The following DRC9 variants were observed in gnomAD, a reference collection of about 807,000 sequenced individuals.
DRC9 encodes dynein regulatory complex subunit 9.
the DRC9 span, chr3:197,913,017 G>A: frequency 2.4e-6 from 1 of 411,872 alleles, no homozygotes; most frequent in Non-Finnish European, 4.4e-6. Flanking sequence ...GCGCTCCAAG[G>A]GCACAAGGCT....
At chr3:197,889,663 T>C in the DRC9 span, 12 of 1,614,114 alleles carry the variant, frequency 7.4e-6, no homozygotes, top group African/African-American at 1.3e-5. Context: ...TTAGGCATCT[T>C]GAAACCACCA....
At chr3:197,893,357 CAAAAAAA>C in the DRC9 span, among the ~76,000 whole-genome samples, 27 of 43,248 alleles carry the variant, frequency 6.2e-4, no homozygotes, top group East Asian at 3.7e-3. Flanking sequence ...AACTCCGTCT[CAAAAAAA>C]AAAAAAAAAA....
At chr3:197,897,904 G>A in the DRC9 span, among the ~76,000 whole-genome samples, 5 of 150,820 alleles carry the variant, frequency 3.3e-5, no homozygotes, top group Non-Finnish European at 7.4e-5. Flanking sequence ...CCGAGTAGCT[G>A]GGACTACAGG....
chr3:197,920,192 G>C, the DRC9 span, among the ~76,000 whole-genome samples: 4,133 of 152,034 alleles, frequency 0.027, 90 homozygotes, highest in Middle Eastern at 0.048. Context: ...CTAGGAGACA[G>C]AGTGAGATCA....
the DRC9 span, among the ~76,000 whole-genome samples, chr3:197,930,234 C>T: frequency 7.3e-5 from 11 of 151,530 alleles, no homozygotes; most frequent in African/African-American, 2.7e-4. Context: ...GGGTCCCCAG[C>T]GACTTGAGGG....
the DRC9 span, chr3:197,943,802 G>A: frequency 1.4e-4 from 229 of 1,614,122 alleles, no homozygotes; most frequent in African/African-American, 2.6e-3. Context: ...GTCTCCCTTC[G>A]TACTGAACGG....
At chr3:197,946,510 C>T in the DRC9 span, among the ~76,000 whole-genome samples, 1 of 151,934 alleles carries the variant, frequency 6.6e-6, no homozygotes, top group African/African-American at 2.4e-5. Context: ...AGATGTTACC[C>T]CTCCTCAGTA....
chr3:197,954,595 T>C, the DRC9 span: 1 of 254,362 alleles, frequency 3.9e-6, no homozygotes, highest in Non-Finnish European at 7.8e-6. Flanking sequence ...CTGCTACCTT[T>C]GCCTCCAAAG....
the DRC9 span, chr3:197,916,089 C>T: frequency 6.6e-6 from 1 of 152,026 alleles, no homozygotes; most frequent in Admixed American, 6.6e-5. Flanking sequence ...GGGCTCAAGC[C>T]ATCTTCCCAA....
the DRC9 span, among the ~76,000 whole-genome samples, chr3:197,896,160 T>C: frequency 1.3e-5 from 2 of 150,896 alleles, no homozygotes; most frequent in African/African-American, 4.9e-5. Context: ...CTGACCAACA[T>C]GGAGAAACCC....
At chr3:197,911,312 T>C in the DRC9 span, among the ~76,000 whole-genome samples, 1 of 152,326 alleles carries the variant, frequency 6.6e-6, no homozygotes, top group East Asian at 1.9e-4. Context: ...GTATTAGCAA[T>C]GTTTATTAAA....
the DRC9 span, among the ~76,000 whole-genome samples, chr3:197,949,161 C>T: frequency 6.6e-6 from 1 of 152,258 alleles, no homozygotes; most frequent in Non-Finnish European, 1.5e-5. Flanking sequence ...TGTGTTGCTC[C>T]GCCTCGTAGG....
the DRC9 span, among the ~76,000 whole-genome samples, chr3:197,924,185 G>A: frequency 5.9e-5 from 9 of 151,288 alleles, no homozygotes; most frequent in Admixed American, 2.0e-4. Flanking sequence ...GTGAAACCCC[G>A]TCTGTACTAA....
chr3:197,956,254 A>G, the DRC9 span: 1 of 181,858 alleles, frequency 5.5e-6, no homozygotes, highest in African/African-American at 2.4e-5. Context: ...ACACCTGCCA[A>G]GTGCTTTGTG....
the DRC9 span, among the ~76,000 whole-genome samples, chr3:197,895,820 G>A: frequency 2.0e-5 from 3 of 151,038 alleles, no homozygotes; most frequent in Admixed American, 6.6e-5. Context: ...ACAAAACATA[G>A]GAAAATTAGC....
the DRC9 span, among the ~76,000 whole-genome samples, chr3:197,946,351 C>T: frequency 2.1e-5 from 3 of 144,140 alleles, no homozygotes; most frequent in African/African-American, 2.6e-5. Flanking sequence ...AGGAGAATGG[C>T]GTGAACCTGG....
the DRC9 span, among the ~76,000 whole-genome samples, chr3:197,904,905 C>T: frequency 6.6e-6 from 1 of 152,032 alleles, no homozygotes; most frequent in African/African-American, 2.4e-5. Context: ...GCGTACTATT[C>T]GGCCCAGAAT....
chr3:197,904,102 ATATATATAT>A, the DRC9 span, among the ~76,000 whole-genome samples: 5,491 of 61,714 alleles, frequency 0.089, 319 homozygotes, highest in African/African-American at 0.18. Flanking sequence ...ATATATATAT[ATATATATAT>A]TTTTTTTTTT....
At chr3:197,953,282 G>A in the DRC9 span, among the ~76,000 whole-genome samples, 1 of 152,198 alleles carries the variant, frequency 6.6e-6, no homozygotes, top group Non-Finnish European at 1.5e-5. Flanking sequence ...AGCCCTAGGT[G>A]GGAGGATTGC....
Sources: gnomAD v4.1 joint callset for allele counts (sites outside exome capture counted in the v4.1 genomes callset) on GRCh38, gnomAD v4.1.1 for gene constraint, MANE v1.5 for transcripts, NCBI Gene and HGNC (gene_info 2026-07-23, HGNC 2026-07-21) for gene names.